The following DNAJB6 variants were observed in gnomAD, a reference collection of about 807,000 sequenced individuals.
DNAJB6 encodes the protein dnaJ homolog subfamily B member 6.
DNAJB6 carries 16 observed loss-of-function variants against 42.7 expected under a neutral mutation model. That is an observed-to-expected ratio of 0.37 (90% confidence interval 0.25 to 0.57). The LOEUF (loss-of-function observed/expected upper bound fraction) is 0.57. Among genes scored for constraint, DNAJB6 ranks in the 20% least tolerant of loss-of-function variants. The pLI is 0.74. For missense variants in DNAJB6, 347 were observed against 416.8 expected (o/e 0.83, Z 1.46); for synonymous variants, 170 against 163.5 (o/e 1.04, Z -0.30).
At chr7:157,403,199 C>T (rs1436559600) in intron 8 of DNAJB6, among the ~76,000 whole-genome samples, 1 of 152,076 alleles carries the variant, frequency 6.6e-6, no homozygotes, top group Non-Finnish European at 1.5e-5. Flanking sequence ...ACTGAATACA[C>T]AATCCACATA....
At chr7:157,365,319 T>G (rs985407880) in intron 3 of DNAJB6, among the ~76,000 whole-genome samples, 2 of 152,254 alleles carry the variant, frequency 1.3e-5, no homozygotes, top group Admixed American at 1.3e-4. Flanking sequence ...AATGTCATTG[T>G]TTTTGTTCTG....
chr7:157,401,404 G>A (rs1321730998), intron 8 of DNAJB6, among the ~76,000 whole-genome samples: 2 of 151,960 alleles, frequency 1.3e-5, no homozygotes, highest in African/African-American at 2.4e-5. Context: ...TAGTAGAGAC[G>A]GGGTTTCTCC....
rs1406700755 is a variant in DNAJB6 at position 157,347,016 on chromosome 7, C to T, written c.-27+9872C>T. ...GACTACAGGCGCCCGCCACCACGCC[C>T]GGCTAATTTTTTCTATTTTTAGTAG... On this transcript the variant is annotated intron_variant, in intron 1 of 9. Coordinates refer to ENST00000262177, the MANE Select transcript of DNAJB6 (RefSeq NM_058246.4). Among the ~76,000 whole-genome samples the T allele has an allele frequency of 3.3e-5, 5 of 152,120 alleles. No individual in the cohort carries two copies. The East Asian group carries it at 5.8e-4, about 18-fold the overall frequency.
intron 8 of DNAJB6, among the ~76,000 whole-genome samples, chr7:157,406,510 AAGTG>A (rs1391720906): frequency 1.3e-5 from 2 of 152,068 alleles, no homozygotes; most frequent in Non-Finnish European, 2.9e-5. Context: ...CCTTCCTCCC[AAGTG>A]AGTGGGGGAG....
At chr7:157,363,994 C>T (rs761490474) in intron 3 of DNAJB6, among the ~76,000 whole-genome samples, 10 of 151,962 alleles carry the variant, frequency 6.6e-5, no homozygotes, top group East Asian at 1.9e-4. Flanking sequence ...GAGCAAAGGC[C>T]GAGGCTTTTC....
intron 8 of DNAJB6, among the ~76,000 whole-genome samples, chr7:157,391,783 T>C (rs1033548667): frequency 6.6e-6 from 1 of 152,142 alleles, no homozygotes; most frequent in Non-Finnish European, 1.5e-5. Context: ...AGTTGAGTAA[T>C]TGGCTTGAGA....
intron 2 of DNAJB6, among the ~76,000 whole-genome samples, chr7:157,362,405 G>A (rs1219063046): frequency 5.3e-5 from 8 of 151,982 alleles, no homozygotes; most frequent in African/African-American, 1.5e-4. Flanking sequence ...ACGGAGTTTC[G>A]CTCTTGTTGC....
intron 2 of DNAJB6, among the ~76,000 whole-genome samples, chr7:157,361,667 G>A (rs974262071): frequency 3.9e-5 from 6 of 152,156 alleles, no homozygotes; most frequent in Admixed American, 3.3e-4. Context: ...GGGGTATGCT[G>A]CTTCTCTTTT....
intron 8 of DNAJB6, among the ~76,000 whole-genome samples, chr7:157,387,460 G>C (rs368244613): frequency 2.4e-4 from 36 of 152,236 alleles, no homozygotes; most frequent in African/African-American, 8.4e-4. Flanking sequence ...CAGGACGGGT[G>C]GTTTTTTGTT....
rs10247937 is a variant in DNAJB6, at chr7:157,358,716, C to T, written c.65+79C>T. ...TGAGTAGTATAACTTCTTCTATTGCCTATGAAAATGGCTTTTAATGTAGTA... is the reference window on the plus strand; with the variant it reads ...TGAGTAGTATAACTTCTTCTATTGCTTATGAAAATGGCTTTTAATGTAGTA... On this transcript the variant is annotated intron_variant, in intron 2 of 9. Transcript: ENST00000262177. The T allele has an allele frequency of 4.2e-4, 499 of 1,179,168 alleles. 1 individual carries two copies. The African/African-American group carries it at 5.8e-3, about 14-fold the overall frequency. The allele number at this position is 1,179,168 out of a possible 1,614,324, so 73.0% of individuals were successfully genotyped here. A position where few individuals can be genotyped will look rare whatever the true frequency, so the allele number is the denominator to read the frequency against.
At chr7:157,374,258 T>C (rs1800361112) in intron 5 of DNAJB6, among the ~76,000 whole-genome samples, 1 of 152,128 alleles carries the variant, frequency 6.6e-6, no homozygotes, top group African/African-American at 2.4e-5. Flanking sequence ...AGCTGTTTTT[T>C]GGAAGTATCT....
At chr7:157,387,567 A>G (rs1043459664) in intron 8 of DNAJB6, among the ~76,000 whole-genome samples, 2 of 152,230 alleles carry the variant, frequency 1.3e-5, no homozygotes, top group Non-Finnish European at 2.9e-5. Context: ...ACATCCAGGG[A>G]TGTCCAGAAA....
Position 157,416,177 on chromosome 7 carries a change from G to A in DNAJB6, c.*79G>A. On this transcript the variant is annotated 3_prime_UTR_variant, in exon 10 of 10. Coordinates refer to ENST00000262177, the MANE Select transcript of DNAJB6 (RefSeq NM_058246.4). ...GGCATGCGGTCGTGCACACGCGCTA[G>A]GTAGCAGCGTCGGTCAGGACTGTCT... is the stretch of plus-strand genomic sequence containing the variant. The A allele has an allele frequency of 6.4e-7, 1 of 1,560,370 alleles. No homozygotes were observed. Among genetic ancestry groups the A allele is most frequent in the Non-Finnish European group, 8.7e-7 (1 of 1,151,438 alleles).
At chr7:157,361,999 C>T (rs1403503505) in intron 2 of DNAJB6, among the ~76,000 whole-genome samples, 1 of 152,158 alleles carries the variant, frequency 6.6e-6, no homozygotes, top group Non-Finnish European at 1.5e-5. Flanking sequence ...CTCCTGACCT[C>T]AGGTGATCCA....
At chr7:157,370,075 GC>G in intron 5 of DNAJB6, among the ~76,000 whole-genome samples, 3 of 147,520 alleles carry the variant, frequency 2.0e-5, no homozygotes, top group Admixed American at 6.7e-5. Context: ...TATTAAACGG[GC>G]CCCTTCTTAA....
At chr7:157,365,511 C>T (rs530536914) in intron 3 of DNAJB6, among the ~76,000 whole-genome samples, 11 of 152,280 alleles carry the variant, frequency 7.2e-5, no homozygotes, top group South Asian at 2.1e-4. Flanking sequence ...TGTTTGTTTT[C>T]GTGCTGCAGA....
chr7:157,409,845 A>G lies in DNAJB6; in HGVS notation c.742A>G (p.Asn248Asp), dbSNP rs1795908534. The stretch of plus-strand genomic sequence containing the variant: ...TGAGGAGCGCATGCGGAGAGGCCAG[A>G]ACGCCCTGCCAGCCCAGCCTGCCGG... ...LAEERMRRGQNALPAQPAGLR... is the reference protein window; with the variant it reads ...LAEERMRRGQDALPAQPAGLR... Residue 248 changes from asparagine (N) to aspartate (D), a missense_variant, in exon 9 of 10, where the codon AAC becomes GAC. By Grantham distance (23) the Asn-to-Asp change is conservative. This residue lies in a region of DNAJB6 where 264 missense variants were observed against 288.0 expected (regional missense o/e 0.92). Transcript: ENST00000262177. 2 of 1,533,536 alleles carry G rather than the reference A, an allele frequency of 1.3e-6. No homozygotes were observed. The highest frequency in any genetic ancestry group is 1.7e-6 in the Non-Finnish European group (2 of 1,145,714). 95.0% of individuals were successfully genotyped at this position (1,533,536 alleles called of 1,614,324 possible).
rs562147878 is a variant in DNAJB6, at chr7:157,353,701, C to T, written c.-26-4846C>T. ...GGGAGATAGGGTCTCGTTCTGTTGC[C>T]TGTGCTGGAATGCCGCGGTGCAGTC... is the stretch of plus-strand genomic sequence containing the variant. On this transcript the variant is annotated intron_variant, in intron 1 of 9. Transcript: ENST00000262177. Among the ~76,000 whole-genome samples the T allele has an allele frequency of 2.6e-5, 4 of 151,682 alleles. No individual in the cohort carries two copies. In the South Asian group the frequency reaches 8.3e-4, roughly 32 times the overall value.
At chr7:157,361,622 C>T (rs1461960100) in intron 2 of DNAJB6, among the ~76,000 whole-genome samples, 1 of 152,210 alleles carries the variant, frequency 6.6e-6, no homozygotes, top group Non-Finnish European at 1.5e-5. Flanking sequence ...GTGTTAAAAG[C>T]ACTGTCAGAT....
Sources: gnomAD v4.1 joint callset for allele counts (sites outside exome capture counted in the v4.1 genomes callset) on GRCh38, gnomAD v4.1.1 for gene constraint, gnomAD v4.1.1 regional missense constraint, MANE v1.5 for transcripts, NCBI Gene and HGNC (gene_info 2026-07-23, HGNC 2026-07-21) for gene names.